Variants in TTLL5 observed in about 807,000 individuals in gnomAD.
The protein encoded by TTLL5 is tubulin tyrosine ligase like 5.
In TTLL5, 132 loss-of-function variants were observed where a neutral mutation model predicts 168.4. That is an observed-to-expected ratio of 0.78 (90% CI 0.68 to 0.91). The LOEUF is 0.91. Among genes scored for constraint, TTLL5 ranks in the 40% least tolerant of loss-of-function variants. TTLL5 has a pLI of 0.00. For synonymous variants in TTLL5, 546 were observed against 558.6 expected (o/e 0.98, Z 0.32); for missense variants, 1,545 against 1,581.5 (o/e 0.98, Z 0.39).
intron 5 of TTLL5, among the ~76,000 whole-genome samples, chr14:75,688,649 C>A (rs748725911): frequency 1.3e-5 from 2 of 152,084 alleles, no homozygotes; most frequent in African/African-American, 4.8e-5. Context: ...ACTGAGCCTT[C>A]AACTTATGGG....
chr14:75,798,610 CT>C (rs1449538747), intron 27 of TTLL5, among the ~76,000 whole-genome samples: 1 of 152,004 alleles, frequency 6.6e-6, no homozygotes. Context: ...AAGCTATGAA[CT>C]TTCGTCTTAG....
At chr14:75,848,997 C>CCT (rs1896702564) in intron 28 of TTLL5, among the ~76,000 whole-genome samples, 1 of 152,194 alleles carries the variant, frequency 6.6e-6, no homozygotes, top group Non-Finnish European at 1.5e-5. Context: ...AAGTCTGGTT[C>CCT]ACATTCTCTA....
rs143986124 is a variant in TTLL5, at chr14:75,761,025, C to T, written c.1551-3590C>T. 4.6e-5 allele frequency among the ~76,000 whole-genome samples: 7 copies of T among 152,056 alleles called. No homozygotes were observed. The South Asian group carries it at 1.0e-3, about 23-fold the overall frequency. On this transcript the variant is annotated intron_variant, in intron 18 of 31. Transcript: ENST00000298832. ...GATATCTAGGAACTATCAAGAACTC[C>T]TACAACTCAATAATAAAAAGACCAT... is the stretch of plus-strand genomic sequence containing the variant.
At chr14:75,810,596 G>A (rs1033014584) in intron 27 of TTLL5, among the ~76,000 whole-genome samples, 3 of 152,072 alleles carry the variant, frequency 2.0e-5, no homozygotes, top group African/African-American at 7.2e-5. Context: ...TGAATTTTTG[G>A]CCTCAAGTGA....
chr14:75,734,959 G>C (rs1184890238), intron 14 of TTLL5, among the ~76,000 whole-genome samples: 1 of 152,172 alleles, frequency 6.6e-6, no homozygotes, highest in Non-Finnish European at 1.5e-5. Context: ...TCACATTTCA[G>C]CTACCCAACC....
Position 75,767,163 on chromosome 14 carries a change from TAA to T in TTLL5, c.2015+811_2015+812del, listed in dbSNP as rs11301063. Among the ~76,000 whole-genome samples the T allele has an allele frequency of 7.0e-3, 980 of 140,472 alleles. 4 individuals are homozygous for T. Among genetic ancestry groups the T allele is most frequent in the African/African-American group, 0.011 (425 of 37,816 alleles). The allele number at this position is 140,472 out of a possible 152,430, so 92.2% of individuals were successfully genotyped here. The stretch of plus-strand genomic sequence containing the variant: ...GGGCAACAAGAGTGAAACTCCATCT[TAA>T]AAAAAAAAAAAAAAAGACATAGAGG... On this transcript the variant is annotated intron_variant, in intron 20 of 31. Transcript: ENST00000298832.
chr14:75,738,045 C>A (rs1013911536), intron 15 of TTLL5, among the ~76,000 whole-genome samples: 1 of 152,052 alleles, frequency 6.6e-6, no homozygotes, highest in Admixed American at 6.6e-5. Context: ...AGTTCCTTAA[C>A]AGGTGACATT....
chr14:75,701,257 T>G (rs887747025), intron 7 of TTLL5, among the ~76,000 whole-genome samples: 9 of 152,182 alleles, frequency 5.9e-5, no homozygotes, highest in African/African-American at 2.2e-4. Context: ...CCAATGGAAA[T>G]TTTTGTAAAG....
chr14:75,671,591 A>G (rs1325791772), intron 3 of TTLL5, among the ~76,000 whole-genome samples: 1 of 152,138 alleles, frequency 6.6e-6, no homozygotes, highest in African/African-American at 2.4e-5. Context: ...TCTGTGTACA[A>G]GTCTTGTACC....
Position 75,892,737 on chromosome 14 carries a change from GACTA to G in TTLL5, c.3741-9401_3741-9398del, listed in dbSNP as rs140096003. ...GAGAGTAGTAAAACTGGCATGAACC[GACTA>G]ACTGAGTCTGTCTTTATATGAGACT... is the stretch of plus-strand genomic sequence containing the variant. On this transcript the variant is annotated intron_variant, in intron 30 of 31. Transcript: ENST00000298832. Among the ~76,000 whole-genome samples, 842 of 152,284 alleles carry G rather than the reference GACTA, an allele frequency of 5.5e-3. 7 individuals carry two copies. Among genetic ancestry groups the G allele is most frequent in the African/African-American group, 0.019 (809 of 41,568 alleles).
intron 18 of TTLL5, among the ~76,000 whole-genome samples, chr14:75,762,109 T>C (rs193199886): frequency 1.3e-5 from 2 of 152,060 alleles, no homozygotes; most frequent in Admixed American, 1.3e-4. Flanking sequence ...AAAAAAAATG[T>C]TGGGGGCTGG....
At chr14:75,829,276 A>G (rs1895425392) in intron 28 of TTLL5, among the ~76,000 whole-genome samples, 1 of 152,212 alleles carries the variant, frequency 6.6e-6, no homozygotes. Flanking sequence ...GCTTGGCACT[A>G]TGTGAGAATC....
At chr14:75,782,379 C>T (rs1046732201) in intron 24 of TTLL5, 108 bp from the exon 25 acceptor site, 1 of 849,444 alleles carries the variant, frequency 1.2e-6, no homozygotes, top group Non-Finnish European at 1.8e-6. Context: ...CCATGTTTCC[C>T]AGCATTGATT....
intron 21 of TTLL5, among the ~76,000 whole-genome samples, chr14:75,773,687 G>A (rs746951662): frequency 1.1e-4 from 17 of 151,464 alleles, no homozygotes; most frequent in African/African-American, 2.4e-4. Flanking sequence ...TCAGGAGTTC[G>A]AAACCAGCCT....
rs79202485 is a variant in TTLL5 at position 75,712,737 on chromosome 14, T to C, written c.740+5030T>C. ...TTCTCCACACAGACATTCAGACTTT[T>C]AGACAAATTATCTTGATTCTCTTGA... On this transcript the variant is annotated intron_variant, in intron 9 of 31. Transcript: ENST00000298832. 3.4e-3 allele frequency among the ~76,000 whole-genome samples: 524 copies of C among 152,270 alleles called. 2 individuals are homozygous for C. Among genetic ancestry groups the C allele is most frequent in the African/African-American group, 0.012 (494 of 41,546 alleles).
At chr14:75,898,008 G>T (rs550210067) in intron 30 of TTLL5, among the ~76,000 whole-genome samples, 1 of 152,002 alleles carries the variant, frequency 6.6e-6, no homozygotes, top group Non-Finnish European at 1.5e-5. Context: ...AAAGTTAATG[G>T]CACCTTTTGT....
chr14:75,690,411 C>A, intron 6 of TTLL5, 89 bp downstream of exon 6: 1 of 1,461,664 alleles, frequency 6.8e-7, no homozygotes, highest in Non-Finnish European at 9.1e-7. Context: ...GTCAACCAAT[C>A]AGGGCTTTCC....
intron 31 of TTLL5, among the ~76,000 whole-genome samples, chr14:75,933,155 G>A (rs1411270089): frequency 2.6e-5 from 4 of 152,188 alleles, no homozygotes; most frequent in East Asian, 1.9e-4. Flanking sequence ...AAAACTTAAC[G>A]GCTTAAAACA....
chr14:75,733,626 A>T (rs768372625), intron 13 of TTLL5, among the ~76,000 whole-genome samples: 2 of 152,234 alleles, frequency 1.3e-5, no homozygotes, highest in Non-Finnish European at 2.9e-5. Context: ...GGTGGTGGAC[A>T]TACTCATAAA....
Sources: allele counts gnomAD v4.1 joint callset (sites outside exome capture counted in the v4.1 genomes callset), GRCh38; gene constraint gnomAD v4.1.1; transcripts MANE v1.5; gene names NCBI Gene and HGNC (gene_info 2026-07-23, HGNC 2026-07-21).